The following TJP1 variants were observed in gnomAD, a reference collection of about 807,000 sequenced individuals.
TJP1 encodes the protein tight junction protein ZO-1.
A neutral mutation model predicts 194.2 loss-of-function variants in TJP1; 43 were observed. The ratio of observed to expected loss-of-function variants is 0.22; its 90% CI spans 0.17 to 0.29. The LOEUF (loss-of-function observed/expected upper bound fraction) is 0.29, where lower values mean the gene tolerates loss of function less well. Among genes scored for constraint, TJP1 ranks in the 10% least tolerant of loss-of-function variants. The pLI, the probability that TJP1 is intolerant of heterozygous loss-of-function variation, is 1.00. For missense variants in TJP1, 1,971 were observed against 2,185.7 expected (o/e 0.90, Z 1.96); for synonymous variants, 801 against 779.0 (o/e 1.03, Z -0.47).
intron 23 of TJP1, 132 bp from the exon 24 acceptor site, chr15:29,711,132 G>T: frequency 1.0e-6 from 1 of 991,708 alleles, no homozygotes; most frequent in Non-Finnish European, 1.4e-6. Context: ...CATGAGTATG[G>T]GTAGCTACTC....
chr15:29,956,680 G>C (rs1017361767), intron 1 of TJP1, among the ~76,000 whole-genome samples: 30 of 152,226 alleles, frequency 2.0e-4, no homozygotes, highest in African/African-American at 7.0e-4. Flanking sequence ...AGGGGTTCGA[G>C]CCCAGCCTGG....
intron 2 of TJP1, among the ~76,000 whole-genome samples, chr15:29,888,009 C>T (rs1022403292): frequency 1.3e-5 from 2 of 151,976 alleles, no homozygotes; most frequent in Non-Finnish European, 2.9e-5. Flanking sequence ...TACAAAGATG[C>T]TCTTCACAGG....
chr15:29,845,908 G>A (rs2152073821), intron 2 of TJP1, among the ~76,000 whole-genome samples: 1 of 152,234 alleles, frequency 6.6e-6, no homozygotes, highest in South Asian at 2.1e-4. Context: ...GTGGCCAGGG[G>A]GAGGTCAACA....
chr15:29,815,847 A>G (rs1250290150), intron 1 of TJP1, among the ~76,000 whole-genome samples: 2 of 152,234 alleles, frequency 1.3e-5, no homozygotes, highest in Non-Finnish European at 2.9e-5. Flanking sequence ...ATTAAAGAGC[A>G]AGTAAAAGTC....
At chr15:29,766,219 T>A in intron 5 of TJP1, 47 bp downstream of exon 5, 1 of 1,571,986 alleles carries the variant, frequency 6.4e-7, no homozygotes, top group Non-Finnish European at 8.6e-7. Context: ...TTAAAATTAG[T>A]TTTAAATTTT....
chr15:29,802,666 A>G (rs1396066036), intron 1 of TJP1, among the ~76,000 whole-genome samples: 1 of 152,154 alleles, frequency 6.6e-6, no homozygotes, highest in Non-Finnish European at 1.5e-5. Context: ...AAATCAGCTA[A>G]ACATCAACAG....
intron 2 of TJP1, among the ~76,000 whole-genome samples, chr15:29,949,543 C>CACT (rs2055507041): frequency 6.9e-6 from 1 of 144,940 alleles, no homozygotes; most frequent in Admixed American, 7.1e-5. Context: ...CCACCACCAC[C>CACT]ACCTCCACAA....
chr15:29,801,014 C>G (rs942579720), intron 1 of TJP1, among the ~76,000 whole-genome samples: 4 of 152,150 alleles, frequency 2.6e-5, no homozygotes, highest in Non-Finnish European at 4.4e-5. Context: ...AAAGTTGGAG[C>G]GGTATTATCT....
intron 2 of TJP1, among the ~76,000 whole-genome samples, chr15:29,854,471 A>G (rs1039487204): frequency 6.6e-6 from 1 of 152,084 alleles, no homozygotes; most frequent in Non-Finnish European, 1.5e-5. Flanking sequence ...AAAAGAGGGG[A>G]ACGTGATGTG....
In TJP1 at chr15:29,822,060, T is replaced by C; in HGVS notation, c.-32A>G. On this transcript the variant is annotated 5_prime_UTR_variant, in exon 1 of 28. Coordinates refer to ENST00000614355, the MANE Select transcript of TJP1 (RefSeq NM_001330239.4). ...TCTCTCCAGCGCCGCGCGAGGCTCC[T>C]CGGACCCGAAACTCCGCGGCGCTGG... 2.3e-6 allele frequency: 3 copies of C among 1,279,938 alleles called. No homozygotes were observed. Among genetic ancestry groups the C allele is most frequent in the South Asian group, 5.5e-5 (2 of 36,380 alleles). 79.3% of individuals were successfully genotyped at this position (1,279,938 alleles called of 1,614,324 possible).
Position 29,822,364 on chromosome 15 carries a change from C to A in TJP1, c.-336G>T, listed in dbSNP as rs1314841974. The stretch of plus-strand genomic sequence containing the variant: ...GTCAGCAGCACCCGTGGCCTCCCGG[C>A]GTCTCCTCGGAAGCCGGCTTCGCCA... On this transcript the variant is annotated 5_prime_UTR_variant, in exon 1 of 28. Transcript: ENST00000614355. The A allele has an allele frequency of 1.9e-6, 2 of 1,036,152 alleles. No homozygotes were observed. The highest frequency in any genetic ancestry group is 1.7e-5 in the African/African-American group (1 of 59,038). 64.2% of individuals were successfully genotyped at this position (1,036,152 alleles called of 1,614,324 possible).
intron 8 of TJP1, among the ~76,000 whole-genome samples, chr15:29,744,279 A>G (rs2044619690): frequency 6.6e-6 from 1 of 152,222 alleles, no homozygotes; most frequent in African/African-American, 2.4e-5. Context: ...AATGATGGTA[A>G]AAGTGTATGA....
intron 2 of TJP1, among the ~76,000 whole-genome samples, chr15:29,938,247 T>C (rs2054947936): frequency 1.3e-5 from 2 of 152,280 alleles, no homozygotes; most frequent in South Asian, 4.1e-4. Context: ...TCAAAGTATA[T>C]AGTTAGAGCA....
chr15:29,968,547 G>A, intron 1 of TJP1: 1 of 799,750 alleles, frequency 1.3e-6, no homozygotes, highest in South Asian at 5.5e-5. Flanking sequence ...CGTCGGGCCC[G>A]ACAGTCGCGG....
At chr15:29,919,215 G>A (rs2054280113) in intron 2 of TJP1, among the ~76,000 whole-genome samples, 1 of 152,164 alleles carries the variant, frequency 6.6e-6, no homozygotes, top group Admixed American at 6.5e-5. Flanking sequence ...AGCAAATCAT[G>A]AATCAAAAAA....
At chr15:29,807,239 C>G (rs1400871573) in intron 1 of TJP1, among the ~76,000 whole-genome samples, 1 of 152,134 alleles carries the variant, frequency 6.6e-6, no homozygotes, top group African/African-American at 2.4e-5. Flanking sequence ...AGCTGAAGGT[C>G]TGCTAAAAAC....
At position 29,778,266 on chromosome 15, in the gene TJP1, C is replaced by T. The variant is rs571797016; in HGVS notation, c.85-4909G>A. ...TCACTTGGGAACAATTTCAAAACTG[C>T]TTGCTGATGCATGATCCTCAATCTA... On this transcript the variant is annotated intron_variant, in intron 2 of 27. Coordinates refer to ENST00000614355, the MANE Select transcript of TJP1 (RefSeq NM_001330239.4). Among the ~76,000 whole-genome samples the T allele has an allele frequency of 1.8e-4, 27 of 151,882 alleles. No individual in the cohort carries two copies. The South Asian group carries it at 5.6e-3, about 32-fold the overall frequency.
chr15:29,839,602 CTT>C (rs891835380), intron 2 of TJP1, among the ~76,000 whole-genome samples: 1 of 152,078 alleles, frequency 6.6e-6, no homozygotes, highest in African/African-American at 2.4e-5. Flanking sequence ...GACTGTGACA[CTT>C]TACTCCATCT....
chr15:29,963,556 G>A (rs2056233481), intron 1 of TJP1, among the ~76,000 whole-genome samples: 1 of 152,180 alleles, frequency 6.6e-6, no homozygotes, highest in Admixed American at 6.5e-5. Context: ...TACTGATAGT[G>A]CATGGCCTTA....
Sources: allele counts gnomAD v4.1 joint callset (sites outside exome capture counted in the v4.1 genomes callset), GRCh38; gene constraint gnomAD v4.1.1; transcripts MANE v1.5; gene names NCBI Gene and HGNC (gene_info 2026-07-23, HGNC 2026-07-21).